Variants in TEX14 observed in about 807,000 individuals in gnomAD.
TEX14 encodes the protein testis expressed 14, intercellular bridge forming factor, also known as inactive serine/threonine-protein kinase TEX14.
A neutral mutation model predicts 178.6 loss-of-function variants in TEX14; 168 were observed. The observed-to-expected ratio is 0.94, with a 90% CI of 0.83 to 1.07. The LOEUF is 1.07. Ranked by LOEUF, TEX14 falls within the 50% of genes least tolerant of loss-of-function variation. TEX14 has a pLI of 0.00. For missense variants in TEX14, 1,730 were observed against 1,753.6 expected, an observed-to-expected ratio of 0.99 and a Z score of 0.24; for synonymous variants, 626 against 634.1, an observed-to-expected ratio of 0.99 and a Z score of 0.19.
chr17:58,583,129 CCTGA>C (rs1346141950), intron 19 of TEX14, among the ~76,000 whole-genome samples: 6 of 151,780 alleles, frequency 4.0e-5, no homozygotes, highest in African/African-American at 1.2e-4. Context: ...CACTATCATG[CCTGA>C]CTAATTTTTA....
chr17:58,558,545 G>C (rs2044201633), intron 30 of TEX14, among the ~76,000 whole-genome samples: 1 of 152,106 alleles, frequency 6.6e-6, no homozygotes, highest in Non-Finnish European at 1.5e-5. Flanking sequence ...CAGTCCACTA[G>C]GGTCAGCATT....
chr17:58,689,430 A>G (rs1045062232), intron 1 of TEX14, among the ~76,000 whole-genome samples: 2 of 151,948 alleles, frequency 1.3e-5, no homozygotes, highest in Non-Finnish European at 2.9e-5. Flanking sequence ...CATGTTGGCC[A>G]GGATGGTCTT....
At chr17:58,599,821 A>G (rs2046311740) in intron 13 of TEX14, among the ~76,000 whole-genome samples, 155 bp from the exon 14 acceptor site, 2 of 151,904 alleles carry the variant, frequency 1.3e-5, no homozygotes, top group Admixed American at 6.6e-5. Flanking sequence ...TACTGGATAC[A>G]CTCACAAAGG....
At chr17:58,661,750 C>CA in intron 1 of TEX14, 1 of 559,794 alleles carries the variant, frequency 1.8e-6, no homozygotes, top group Non-Finnish European at 3.1e-6. Flanking sequence ...TAGGGGAAGG[C>CA]AACGGAGTCG....
intron 14 of TEX14, among the ~76,000 whole-genome samples, chr17:58,594,186 G>A (rs867091876): frequency 1.3e-5 from 2 of 151,842 alleles, no homozygotes; most frequent in Admixed American, 1.3e-4. Context: ...AGCCCAGACA[G>A]GATACAAGTG....
chr17:58,618,718 A>G (rs960815565), intron 5 of TEX14, among the ~76,000 whole-genome samples: 4 of 152,228 alleles, frequency 2.6e-5, no homozygotes, highest in African/African-American at 9.6e-5. Context: ...ACATGCCACT[A>G]TTAGAGAACA....
At chr17:58,661,857 G>A (rs1170734716) in intron 1 of TEX14, 1 of 390,258 alleles carries the variant, frequency 2.6e-6, no homozygotes, top group Non-Finnish European at 4.5e-6. Context: ...GAATAATACT[G>A]CCTTCCTGGC....
chr17:58,589,134 A>T (rs2045057230), intron 15 of TEX14, among the ~76,000 whole-genome samples: 1 of 151,726 alleles, frequency 6.6e-6, no homozygotes, highest in Non-Finnish European at 1.5e-5. Flanking sequence ...ATGGTGGTGC[A>T]TGCCTGTAAT....
At chr17:58,621,120 C>T (rs925736995) in intron 5 of TEX14, among the ~76,000 whole-genome samples, 3 of 152,190 alleles carry the variant, frequency 2.0e-5, no homozygotes, top group African/African-American at 7.2e-5. Flanking sequence ...CCCTTCCAAG[C>T]TTAACCCTGA....
At chr17:58,659,067 C>T (rs1358493881) in intron 1 of TEX14, among the ~76,000 whole-genome samples, 1 of 151,926 alleles carries the variant, frequency 6.6e-6, no homozygotes, top group Non-Finnish European at 1.5e-5. Context: ...ACTCCAAAAC[C>T]AAACGCGCGC....
Position 58,605,076 on chromosome 17 carries a change from A to G in TEX14, c.1238T>C (p.Leu413Pro). ...CACTTCTGGTGCGGCCCAGTTGTAT[A>G]GCTGCGTAGGAAGGGGCACTCGAGT... ...DLTRVPLPTQ[L>P]YNWAAPEVIL... is the part of the protein sequence containing the mutation. Residue 413 changes from leucine (L) to proline (P), a missense_variant, in exon 11 of 32, where the codon CTA (leucine) becomes CCA (proline). Leu to Pro is a moderately conservative substitution (Grantham distance 98). Coordinates refer to ENST00000349033, the MANE Select transcript of TEX14 (RefSeq NM_031272.5). 6.2e-7 allele frequency: 1 copy of G among 1,614,194 alleles called. No homozygotes were observed. The highest frequency in any genetic ancestry group is 8.5e-7 in the Non-Finnish European group (1 of 1,180,024).
chr17:58,628,333 CT>C (rs1383797859), intron 3 of TEX14, among the ~76,000 whole-genome samples: 1 of 152,130 alleles, frequency 6.6e-6, no homozygotes, highest in Non-Finnish European at 1.5e-5. Flanking sequence ...AATCCCAGCA[CT>C]TTGGGAGACT....
At chr17:58,630,350 C>T (rs2046258374) in intron 3 of TEX14, 90 bp downstream of exon 3, 1 of 1,020,644 alleles carries the variant, frequency 9.8e-7, no homozygotes, top group Non-Finnish European at 1.5e-6. Context: ...GACACCGCAC[C>T]CGGCCAAACG....
At position 58,671,721 on chromosome 17, in the gene TEX14, C is replaced by A. The variant is rs2047307133; in HGVS notation, c.-1-19719G>T. ...CTGTGGATTTCTCTTTTTGCTAGAT[C>A]AGAAATATATTTTAAAAACTCGTTT... On this transcript the variant is annotated intron_variant, in intron 1 of 31. Transcript: ENST00000349033. Among the ~76,000 whole-genome samples the A allele has an allele frequency of 2.0e-5, 3 of 152,174 alleles. No homozygotes were observed. The South Asian group carries it at 6.2e-4, about 32-fold the overall frequency.
intron 1 of TEX14, among the ~76,000 whole-genome samples, chr17:58,685,585 G>A (rs1265533792): frequency 6.6e-6 from 1 of 151,948 alleles, no homozygotes; most frequent in Non-Finnish European, 1.5e-5. Context: ...AAAGTAGCAG[G>A]AGTATAGGAA....
At chr17:58,688,254 G>A (rs2047635030) in intron 1 of TEX14, among the ~76,000 whole-genome samples, 1 of 151,888 alleles carries the variant, frequency 6.6e-6, no homozygotes, top group South Asian at 2.1e-4. Context: ...CCAAATAGCT[G>A]GGACTATAGG....
chr17:58,607,866 G>A (rs1242154919), intron 10 of TEX14, among the ~76,000 whole-genome samples: 1 of 152,220 alleles, frequency 6.6e-6, no homozygotes, highest in Non-Finnish European at 1.5e-5. Context: ...AGTGGCTCAT[G>A]CCTGTAATCC....
chr17:58,671,378 A>G (rs2047301344), intron 1 of TEX14, among the ~76,000 whole-genome samples: 1 of 152,124 alleles, frequency 6.6e-6, no homozygotes, highest in South Asian at 2.1e-4. Context: ...TGTGAATGTG[A>G]GATAGTGGTG....
At chr17:58,583,502 C>T (rs77719504) in intron 19 of TEX14, among the ~76,000 whole-genome samples, 6,655 of 152,094 alleles carry the variant, frequency 0.044, 198 homozygotes, top group Middle Eastern at 0.11. Flanking sequence ...TGGCTTTAAG[C>T]GATCCTCCAG....
Sources: allele counts gnomAD v4.1 joint callset (sites outside exome capture counted in the v4.1 genomes callset), GRCh38; gene constraint gnomAD v4.1.1; transcripts MANE v1.5; gene names NCBI Gene and HGNC (gene_info 2026-07-23, HGNC 2026-07-21).